Variants in DPP6 observed in about 807,000 individuals in gnomAD.
DPP6 encodes the protein dipeptidyl peptidase like 6, also known as A-type potassium channel modulatory protein DPP6.
In DPP6, 69 loss-of-function variants were observed where a neutral mutation model predicts 122.6. That is an observed-to-expected ratio of 0.56 (90% CI 0.46 to 0.69). The LOEUF (loss-of-function observed/expected upper bound fraction) is 0.69. DPP6 is among the 30% of genes least tolerant of loss of function. The probability of loss-of-function intolerance (pLI) is 0.00; values close to 1 mark genes in which losing one functional copy is unlikely to be tolerated. For missense variants in DPP6, 928 were observed against 1,116.9 expected, an observed-to-expected ratio of 0.83 and a Z score of 2.41; for synonymous variants, 418 against 433.1, an observed-to-expected ratio of 0.97 and a Z score of 0.43.
intron 1 of DPP6, among the ~76,000 whole-genome samples, chr7:154,439,308 A>C (rs1819165998): frequency 6.6e-6 from 1 of 152,228 alleles, no homozygotes; most frequent in South Asian, 2.1e-4. Flanking sequence ...ATACACAGCA[A>C]GGTGAAAGAT....
intron 21 of DPP6, among the ~76,000 whole-genome samples, chr7:154,882,479 T>G (rs1208043334): frequency 6.6e-6 from 1 of 152,208 alleles, no homozygotes; most frequent in South Asian, 2.1e-4. Flanking sequence ...ATCCTTTTAG[T>G]GGCTTGGCAT....
chr7:154,256,191 A>G (rs1802648929), intron 1 of DPP6, among the ~76,000 whole-genome samples: 2 of 152,232 alleles, frequency 1.3e-5, no homozygotes, highest in South Asian at 2.1e-4. Flanking sequence ...ATGAGACCCA[A>G]TTTAAGGAAT....
Position 154,463,195 on chromosome 7 carries a change from CTTTTTTTTTT to C in DPP6, c.359-11723_359-11714del, listed in dbSNP as rs368362408. On this transcript the variant is annotated intron_variant, in intron 2 of 25. Transcript: ENST00000377770. ...GCTTTTTACCTTTACTTCTCCTTTT[CTTTTTTTTTT>C]TTTTTTTTTTTTTTTTTTTTGAGAC... 2.1e-4 allele frequency among the ~76,000 whole-genome samples: 18 copies of C among 84,136 alleles called. No homozygotes were observed. In the East Asian group the frequency reaches 2.7e-3, roughly 12 times the overall value. 55.2% of individuals were successfully genotyped at this position (84,136 alleles called of 152,430 possible). A position where few individuals can be genotyped will look rare whatever the true frequency, so the allele number is the denominator to read the frequency against.
intron 1 of DPP6, among the ~76,000 whole-genome samples, chr7:154,235,164 C>T (rs1445096636): frequency 6.6e-6 from 1 of 152,222 alleles, no homozygotes; most frequent in Non-Finnish European, 1.5e-5. Flanking sequence ...AACTGTGCCC[C>T]TTAGCAGTCA....
At chr7:154,384,431 T>C (rs778604225) in intron 1 of DPP6, among the ~76,000 whole-genome samples, 8 of 151,992 alleles carry the variant, frequency 5.3e-5, no homozygotes, top group Admixed American at 1.3e-4. Context: ...ATGAAAAGGA[T>C]GTGGGGAGTG....
Position 154,606,406 on chromosome 7 carries a change from A to G in DPP6, c.628-31415A>G, listed in dbSNP as rs1315191098. 1.1e-4 allele frequency among the ~76,000 whole-genome samples: 13 copies of G among 119,344 alleles called. 5 individuals carry two copies. Among genetic ancestry groups the G allele is most frequent in the Non-Finnish European group, 1.1e-4 (6 of 53,102 alleles). 78.3% of individuals were successfully genotyped at this position (119,344 alleles called of 152,430 possible). On this transcript the variant is annotated intron_variant, in intron 5 of 25. Transcript: ENST00000377770. ...TGTGTGTCTTTTTGTTTCCATTTCT[A>G]TTTTCTCAAAGTTATATTTGTCTGC...
rs368145785 is a variant in DPP6, at chr7:154,402,492, G to A, written c.244-43722G>A. On this transcript the variant is annotated intron_variant, in intron 1 of 25. Coordinates refer to ENST00000377770, the MANE Select transcript of DPP6 (RefSeq NM_130797.4). ...AAATCATCATTCTCAGTAAACTATCGCAAGAACAAAAAACCAAACACCGCA... is the reference window on the plus strand; with the variant it reads ...AAATCATCATTCTCAGTAAACTATCACAAGAACAAAAAACCAAACACCGCA... Among the ~76,000 whole-genome samples the A allele has an allele frequency of 6.1e-3, 918 of 149,858 alleles. 6 individuals are homozygous for A. Among genetic ancestry groups the A allele is most frequent in the African/African-American group, 0.018 (738 of 40,284 alleles).
chr7:154,239,196 CCTCT>C (rs1284959527), intron 1 of DPP6, among the ~76,000 whole-genome samples: 4 of 152,174 alleles, frequency 2.6e-5, no homozygotes, highest in Non-Finnish European at 5.9e-5. Context: ...ATTTGTACTC[CCTCT>C]GATTTCCCGT....
At chr7:153,776,750 T>A in the DPP6 span, among the ~76,000 whole-genome samples, 1 of 152,200 alleles carries the variant, frequency 6.6e-6, no homozygotes, top group Non-Finnish European at 1.5e-5. Flanking sequence ...GAAAAATAAA[T>A]GCCCACCCAT....
intron 7 of DPP6, among the ~76,000 whole-genome samples, chr7:154,681,259 G>A (rs574154067): frequency 1.3e-5 from 2 of 152,134 alleles, no homozygotes; most frequent in African/African-American, 2.4e-5. Context: ...ATTCAATTGC[G>A]ACTGAAACAG....
At chr7:154,653,182 G>T in intron 6 of DPP6, among the ~76,000 whole-genome samples, 1 of 152,196 alleles carries the variant, frequency 6.6e-6, no homozygotes, top group East Asian at 1.9e-4. Context: ...ATGATGTAAG[G>T]TAAAAGCTTT....
intron 12 of DPP6, among the ~76,000 whole-genome samples, chr7:154,796,996 T>C (rs1334162069): frequency 6.6e-6 from 1 of 152,184 alleles, no homozygotes; most frequent in East Asian, 1.9e-4. Context: ...AGGGAAGACT[T>C]AGGGAACCCT....
At chr7:153,866,147 C>T in the DPP6 span, among the ~76,000 whole-genome samples, 2 of 152,074 alleles carry the variant, frequency 1.3e-5, no homozygotes, top group African/African-American at 2.4e-5. Flanking sequence ...GCATGATTTA[C>T]AATCCTTAGG....
the DPP6 span, among the ~76,000 whole-genome samples, chr7:153,767,361 T>C: frequency 6.6e-6 from 1 of 151,608 alleles, no homozygotes; most frequent in Non-Finnish European, 1.5e-5. Context: ...TTCAAAAAAG[T>C]GAGAAACTTT....
At chr7:154,776,496 T>G (rs1796581774) in intron 10 of DPP6, among the ~76,000 whole-genome samples, 1 of 152,154 alleles carries the variant, frequency 6.6e-6, no homozygotes, top group African/African-American at 2.4e-5. Flanking sequence ...CCAGTGGAAT[T>G]TTTAGATACT....
At chr7:153,906,347 C>T (rs1050401775) in intron 1 of DPP6, among the ~76,000 whole-genome samples, 2 of 152,210 alleles carry the variant, frequency 1.3e-5, no homozygotes, top group African/African-American at 2.4e-5. Flanking sequence ...CCCCACACTC[C>T]TCCCACCCTC....
intron 1 of DPP6, among the ~76,000 whole-genome samples, chr7:154,431,442 C>T (rs546632647): frequency 8.2e-6 from 1 of 121,748 alleles, no homozygotes; most frequent in Non-Finnish European, 1.7e-5. Context: ...TTTTTCTTTC[C>T]TTTCTTTTCT....
At chr7:153,860,403 G>A in the DPP6 span, among the ~76,000 whole-genome samples, 4 of 152,106 alleles carry the variant, frequency 2.6e-5, no homozygotes, top group African/African-American at 4.8e-5. Context: ...GGAGGCACTG[G>A]AAGGAGTTGC....
chr7:154,381,940 G>C (rs1029281735), intron 1 of DPP6, among the ~76,000 whole-genome samples: 4 of 152,154 alleles, frequency 2.6e-5, no homozygotes, highest in Non-Finnish European at 5.9e-5. Flanking sequence ...GGGGTCATGG[G>C]ATGACACAGA....
Sources: allele counts gnomAD v4.1 joint callset (sites outside exome capture counted in the v4.1 genomes callset), GRCh38; gene constraint gnomAD v4.1.1; transcripts MANE v1.5; gene names NCBI Gene and HGNC (gene_info 2026-07-23, HGNC 2026-07-21).